EFNA5: variants seen among roughly 807,000 people sequenced by gnomAD.
The protein encoded by EFNA5 is ephrin-A5.
Under a neutral mutation model 22.9 loss-of-function variants are expected in EFNA5, and 5 were observed. The ratio of observed to expected loss-of-function variants is 0.22; its 90% confidence interval spans 0.11 to 0.46. The LOEUF (loss-of-function observed/expected upper bound fraction) is 0.46, where lower values mean the gene tolerates loss of function less well. Ranked by LOEUF, EFNA5 falls within the 20% of genes least tolerant of loss-of-function variation. The pLI, the probability that EFNA5 is intolerant of heterozygous loss-of-function variation, is 0.99. For missense variants in EFNA5, 237 were observed against 293.3 expected (o/e 0.81, Z 1.40); for synonymous variants, 113 against 112.2 (o/e 1.01, Z -0.04).
chr5:107,392,575 G>T (rs769860895), intron 2 of EFNA5, among the ~76,000 whole-genome samples: 5 of 152,178 alleles, frequency 3.3e-5, no homozygotes, highest in Non-Finnish European at 7.3e-5. Context: ...AGACTCAAAG[G>T]ATCCAGCTAA....
intron 1 of EFNA5, among the ~76,000 whole-genome samples, chr5:107,497,006 G>A (rs1239508260): frequency 6.6e-6 from 1 of 152,180 alleles, no homozygotes; most frequent in Non-Finnish European, 1.5e-5. Context: ...CCCTCCTCCT[G>A]ACAAGCATTC....
intron 1 of EFNA5, among the ~76,000 whole-genome samples, chr5:107,502,825 A>G (rs1183945750): frequency 6.6e-6 from 1 of 152,132 alleles, no homozygotes; most frequent in African/African-American, 2.4e-5. Context: ...GGCGGGAAGG[A>G]CTATCTCTGA....
At chr5:107,467,682 T>C (rs1397298723) in intron 1 of EFNA5, among the ~76,000 whole-genome samples, 1 of 152,154 alleles carries the variant, frequency 6.6e-6, no homozygotes, top group Admixed American at 6.6e-5. Flanking sequence ...CTTTGGGCTT[T>C]ATTGACCTAG....
chr5:107,597,792 A>G (rs1396583132), intron 1 of EFNA5, among the ~76,000 whole-genome samples: 4 of 152,180 alleles, frequency 2.6e-5, no homozygotes, highest in African/African-American at 9.7e-5. Flanking sequence ...AACGATATAT[A>G]TTCAATTTTT....
intron 1 of EFNA5, among the ~76,000 whole-genome samples, chr5:107,615,946 C>A (rs1749903303): frequency 6.6e-6 from 1 of 152,076 alleles, no homozygotes; most frequent in African/African-American, 2.4e-5. Context: ...ATATCCAAAA[C>A]AAGAAAGAAC....
chr5:107,529,001 G>A (rs1051858662), intron 1 of EFNA5, among the ~76,000 whole-genome samples: 1 of 152,038 alleles, frequency 6.6e-6, no homozygotes, highest in African/African-American at 2.4e-5. Context: ...ATATGTTTGT[G>A]TACATGTATT....
At chr5:107,579,548 A>G (rs1045488528) in intron 1 of EFNA5, among the ~76,000 whole-genome samples, 3 of 152,114 alleles carry the variant, frequency 2.0e-5, no homozygotes, top group African/African-American at 4.8e-5. Flanking sequence ...AAAAAGAAAA[A>G]AAAAAGACCA....
At chr5:107,600,792 A>G (rs1409767998) in intron 1 of EFNA5, among the ~76,000 whole-genome samples, 1 of 152,116 alleles carries the variant, frequency 6.6e-6, no homozygotes, top group Non-Finnish European at 1.5e-5. Flanking sequence ...CCAGCCAAAA[A>G]TGTTTCTCTC....
intron 1 of EFNA5, among the ~76,000 whole-genome samples, chr5:107,437,932 C>T (rs112287212): frequency 9.9e-5 from 15 of 152,162 alleles, no homozygotes; most frequent in Non-Finnish European, 2.1e-4. Context: ...ACCAAGTAGA[C>T]AACTTAAGCA....
intron 1 of EFNA5, among the ~76,000 whole-genome samples, chr5:107,568,891 G>GA (rs1748716837): frequency 6.6e-6 from 1 of 152,064 alleles, no homozygotes; most frequent in Admixed American, 6.5e-5. Context: ...TTCAGATTCA[G>GA]AAATGGTGTA....
chr5:107,424,147 A>T (rs1748742765), intron 2 of EFNA5, among the ~76,000 whole-genome samples: 1 of 150,306 alleles, frequency 6.7e-6, no homozygotes, highest in Non-Finnish European at 1.5e-5. Context: ...TACTCCTAGC[A>T]CCATAAAGCA....
At chr5:107,448,753 C>T (rs957704214) in intron 1 of EFNA5, among the ~76,000 whole-genome samples, 1 of 151,434 alleles carries the variant, frequency 6.6e-6, no homozygotes, top group Non-Finnish European at 1.5e-5. Flanking sequence ...TTGCTTGAAC[C>T]CGGGAGATGG....
intron 1 of EFNA5, among the ~76,000 whole-genome samples, chr5:107,582,974 T>C (rs1749101826): frequency 1.3e-5 from 2 of 152,158 alleles, no homozygotes; most frequent in Admixed American, 1.3e-4. Flanking sequence ...AGTCCTAAAT[T>C]TCCCTGATCA....
At chr5:107,570,657 G>C (rs931085600) in intron 1 of EFNA5, among the ~76,000 whole-genome samples, 1 of 151,906 alleles carries the variant, frequency 6.6e-6, no homozygotes, top group East Asian at 1.9e-4. Context: ...GTGTGGGGGT[G>C]GGGGCGGGCA....
intron 1 of EFNA5, among the ~76,000 whole-genome samples, chr5:107,625,934 A>C (rs1750132801): frequency 6.6e-6 from 1 of 152,184 alleles, no homozygotes; most frequent in Non-Finnish European, 1.5e-5. Context: ...GTATAGGCTC[A>C]ACAAATCTCC....
chr5:107,603,931 C>A (rs982121540), intron 1 of EFNA5, among the ~76,000 whole-genome samples: 2 of 152,190 alleles, frequency 1.3e-5, no homozygotes, highest in African/African-American at 4.8e-5. Flanking sequence ...CCTTTCAAAG[C>A]AAGCTGTGAT....
chr5:107,403,261 G>A (rs1441653970), intron 2 of EFNA5, among the ~76,000 whole-genome samples: 4 of 152,314 alleles, frequency 2.6e-5, no homozygotes, highest in East Asian at 1.9e-4. Context: ...GATGACCCGA[G>A]AAGGTTAGTC....
intron 1 of EFNA5, among the ~76,000 whole-genome samples, chr5:107,576,413 C>G (rs1748929673): frequency 6.6e-6 from 1 of 152,174 alleles, no homozygotes. Flanking sequence ...TCCAAGTGAT[C>G]ATTTTTCCAG....
chr5:107,472,577 T>C (rs902186174), intron 1 of EFNA5, among the ~76,000 whole-genome samples: 7 of 152,284 alleles, frequency 4.6e-5, no homozygotes, highest in Admixed American at 2.6e-4. Context: ...ACTTTAGTCA[T>C]TAATAAACTT....
Sources: gnomAD v4.1 joint callset for allele counts (sites outside exome capture counted in the v4.1 genomes callset) on GRCh38, gnomAD v4.1.1 for gene constraint, MANE v1.5 for transcripts, NCBI Gene and HGNC (gene_info 2026-07-23, HGNC 2026-07-21) for gene names.